Variants in UGT1A9 observed in about 807,000 individuals in gnomAD.
UGT1A9 encodes UDP glucuronosyltransferase family 1 member A9.
A neutral mutation model predicts 45.0 loss-of-function variants in UGT1A9; 35 were observed. The ratio of observed to expected loss-of-function variants is 0.78; its 90% confidence interval spans 0.59 to 1.03. UGT1A9 has a LOEUF of 1.03. Ranked by LOEUF, UGT1A9 falls within the 50% of genes least tolerant of loss-of-function variation. The probability of loss-of-function intolerance (pLI) is 0.00; values close to 1 mark genes in which losing one functional copy is unlikely to be tolerated. For missense variants in UGT1A9, 687 were observed against 666.6 expected (o/e 1.03, Z -0.34); for synonymous variants, 278 against 250.6 (o/e 1.11, Z -1.03).
intron 1 of UGT1A9, chr2:233,719,790 T>C (rs189931898): frequency 6.2e-7 from 1 of 1,608,848 alleles, no homozygotes; most frequent in East Asian, 2.2e-5. Flanking sequence ...TTTCCAAAGA[T>C]TTTATTTTGG....
intron 1 of UGT1A9, among the ~76,000 whole-genome samples, chr2:233,677,134 G>A (rs28970014): frequency 0.028 from 4,186 of 152,208 alleles, 180 homozygotes; most frequent in African/African-American, 0.096. Context: ...ATCAACTGGG[G>A]AGAAACAACA....
intron 1 of UGT1A9, chr2:233,729,995 T>A (rs776522612): frequency 3.7e-6 from 6 of 1,613,982 alleles, no homozygotes; most frequent in Non-Finnish European, 4.2e-6. Flanking sequence ...CTATCTCAGG[T>A]CTGTATTGGT....
At chr2:233,687,531 G>T (rs551653016) in intron 1 of UGT1A9, among the ~76,000 whole-genome samples, 2 of 146,212 alleles carry the variant, frequency 1.4e-5, no homozygotes, top group South Asian at 4.4e-4. Context: ...CTTGCCCAAG[G>T]TTATGCCTCA....
At chr2:233,716,575 T>A (rs760406565) in intron 1 of UGT1A9, among the ~76,000 whole-genome samples, 1 of 152,244 alleles carries the variant, frequency 6.6e-6, no homozygotes, top group Non-Finnish European at 1.5e-5. Flanking sequence ...TTAAAAACAA[T>A]ACTTTCAAAG....
intron 1 of UGT1A9, among the ~76,000 whole-genome samples, chr2:233,686,049 ATAGTGTC>A (rs1203423623): frequency 1.3e-5 from 2 of 152,178 alleles, no homozygotes; most frequent in African/African-American, 4.8e-5. Context: ...ATGGCAAAGA[ATAGTGTC>A]TTCAGCAGAG....
chr2:233,729,233 T>G, intron 1 of UGT1A9: 1 of 1,614,178 alleles, frequency 6.2e-7, no homozygotes, highest in South Asian at 1.1e-5. Flanking sequence ...GTGGTGCCCA[T>G]TGATGGCAGC....
intron 1 of UGT1A9, chr2:233,682,612 A>C: frequency 3.1e-6 from 5 of 1,613,862 alleles, no homozygotes; most frequent in Non-Finnish European, 4.2e-6. Context: ...ATTTTTTCAA[A>C]AATGTCTTAG....
intron 1 of UGT1A9, chr2:233,682,194 A>T: frequency 1.2e-6 from 2 of 1,614,248 alleles, no homozygotes; most frequent in African/African-American, 1.3e-5. Flanking sequence ...CTGGAGGATC[A>T]GGACCGGGAG....
intron 1 of UGT1A9, among the ~76,000 whole-genome samples, chr2:233,757,890 C>A (rs1243643076): frequency 6.6e-6 from 1 of 152,110 alleles, no homozygotes; most frequent in Non-Finnish European, 1.5e-5. Flanking sequence ...GTTCCAGAAA[C>A]ACTTTCCATG....
At chr2:233,705,327 A>G (rs922136866) in intron 1 of UGT1A9, among the ~76,000 whole-genome samples, 6 of 152,132 alleles carry the variant, frequency 3.9e-5, no homozygotes, top group African/African-American at 1.4e-4. Context: ...TCAGCAACAC[A>G]TTCTCTCAAT....
At chr2:233,732,525 T>G (rs775649964) in intron 1 of UGT1A9, among the ~76,000 whole-genome samples, 3 of 152,226 alleles carry the variant, frequency 2.0e-5, no homozygotes, top group Non-Finnish European at 4.4e-5. Context: ...GCTTTCTACA[T>G]ATGGCCAGTT....
chr2:233,756,501 T>C (rs1696241019), intron 1 of UGT1A9: 1 of 152,186 alleles, frequency 6.6e-6, no homozygotes, highest in Non-Finnish European at 1.5e-5. Flanking sequence ...CCCAAGTATA[T>C]GGAGGGTCAA....
chr2:233,758,656 C>T (rs35815287), intron 1 of UGT1A9, among the ~76,000 whole-genome samples: 1 of 152,054 alleles, frequency 6.6e-6, no homozygotes, highest in East Asian at 1.9e-4. Context: ...GAGAGGGTAC[C>T]CTAATTACCT....
At position 233,683,033 on chromosome 2, in the gene UGT1A9, T is replaced by C. The variant is rs559637342; in HGVS notation, c.855+10244T>C. 2.6e-4 allele frequency among the ~76,000 whole-genome samples: 39 copies of C among 152,264 alleles called. 1 individual carries two copies. The highest frequency in any genetic ancestry group is 9.1e-4 in the African/African-American group (38 of 41,556). ...GATCATATCTAGGCTGCAATCTAAA[T>C]GCTATTTTTGGAAAAATACAAAAAA... On this transcript the variant is annotated intron_variant, in intron 1 of 4. Transcript: ENST00000354728.
chr2:233,682,442 GC>G, intron 1 of UGT1A9: 1 of 1,613,664 alleles, frequency 6.2e-7, no homozygotes, highest in Non-Finnish European at 8.5e-7. Context: ...TGTGGTCTTC[GC>G]CAGGGGAATA....
At chr2:233,716,351 A>G (rs1258886515) in intron 1 of UGT1A9, among the ~76,000 whole-genome samples, 2 of 152,232 alleles carry the variant, frequency 1.3e-5, no homozygotes, top group Non-Finnish European at 2.9e-5. Flanking sequence ...ACTACAATGT[A>G]GATACTTTGT....
At chr2:233,714,474 A>G (rs2076389157) in intron 1 of UGT1A9, among the ~76,000 whole-genome samples, 1 of 152,148 alleles carries the variant, frequency 6.6e-6, no homozygotes, top group African/African-American at 2.4e-5. Context: ...GTAATAGGAG[A>G]ATGTTTCTTG....
At chr2:233,743,161 G>A in intron 1 of UGT1A9, 1 of 361,140 alleles carries the variant, frequency 2.8e-6, no homozygotes, top group South Asian at 2.1e-5. Flanking sequence ...TCCTCCAGAT[G>A]TGCTTAAAGT....
chr2:233,690,610 G>T, intron 1 of UGT1A9: 1 of 1,289,080 alleles, frequency 7.8e-7, no homozygotes, highest in Non-Finnish European at 1.0e-6. Context: ...ATCGGCCTTT[G>T]CCTGGACACT....
Sources: allele counts gnomAD v4.1 joint callset (sites outside exome capture counted in the v4.1 genomes callset), GRCh38; gene constraint gnomAD v4.1.1; transcripts MANE v1.5; gene names NCBI Gene and HGNC (gene_info 2026-07-23, HGNC 2026-07-21).